LIPC: variants seen among roughly 807,000 people sequenced by gnomAD.
The protein encoded by LIPC is lipase C, hepatic type.
LIPC carries 44 observed loss-of-function variants against 50.7 expected under a neutral mutation model. The ratio of observed to expected loss-of-function variants is 0.87; its 90% CI spans 0.68 to 1.11. The LOEUF is 1.11. LIPC is among the 50% of genes most tolerant of loss of function. LIPC has a pLI of 0.00. For missense variants in LIPC, 697 were observed against 648.2 expected (o/e 1.08, Z -0.82); for synonymous variants, 271 against 256.4 (o/e 1.06, Z -0.54).
chr15:58,538,400 C>T lies in LIPC; in HGVS notation c.156C>T (p.Phe52=). 1.2e-6 allele frequency: 2 copies of T among 1,614,018 alleles called. No homozygotes were observed. The highest frequency in any genetic ancestry group is 2.2e-5 in the East Asian group (1 of 44,882). ...CGCTGCATGAGATGAAGACCAGATT[C>T]CTGCTCTTTGGAGAAACCAATCAGG... ...NKTLHEMKTR[F]LLFGETNQGC... The change falls in exon 2 of 9, where the codon TTC becomes TTT. Residue 52 remains phenylalanine (F), a synonymous_variant. Coordinates refer to ENST00000299022, the MANE Select transcript of LIPC (RefSeq NM_000236.3).
intron 2 of LIPC, among the ~76,000 whole-genome samples, chr15:58,539,703 C>T (rs1893257639): frequency 6.6e-6 from 1 of 152,158 alleles, no homozygotes; most frequent in African/African-American, 2.4e-5. Flanking sequence ...CCTCACCTCT[C>T]CCTGCCTCCC....
chr15:58,558,406 C>T (rs1209273352), intron 6 of LIPC, among the ~76,000 whole-genome samples: 1 of 152,192 alleles, frequency 6.6e-6, no homozygotes, highest in Non-Finnish European at 1.5e-5. Context: ...GCCTCTTTTG[C>T]TGTCTTGAGG....
chr15:58,436,838 T>C (rs1387728873), intron 1 of LIPC: 6 of 456,316 alleles, frequency 1.3e-5, no homozygotes, highest in South Asian at 9.3e-5. Context: ...AGGCTTTCCT[T>C]GTACAATAGC....
chr15:58,516,917 A>T (rs760434416), intron 1 of LIPC, among the ~76,000 whole-genome samples: 1 of 152,102 alleles, frequency 6.6e-6, no homozygotes, highest in African/African-American at 2.4e-5. Flanking sequence ...ATTTTACCTA[A>T]TTGGTGCTGG....
At position 58,560,471 on chromosome 15, in the gene LIPC, C is replaced by T. The variant is rs574855800; in HGVS notation, c.1052-393C>T. Among the ~76,000 whole-genome samples, 8 of 152,286 alleles carry T rather than the reference C, an allele frequency of 5.3e-5. No individual in the cohort carries two copies. In the South Asian group the frequency reaches 1.5e-3, roughly 28 times the overall value. On this transcript the variant is annotated intron_variant, in intron 6 of 8. Coordinates refer to ENST00000299022, the MANE Select transcript of LIPC (RefSeq NM_000236.3). ...AATGTAAAATGGCAATGTGTTCTCT[C>T]TTGCCTTGTCAAATGCCTAAAAGGC...
intron 1 of LIPC, among the ~76,000 whole-genome samples, chr15:58,457,401 C>T (rs1007051106): frequency 6.6e-6 from 1 of 152,200 alleles, no homozygotes; most frequent in African/African-American, 2.4e-5. Flanking sequence ...TGAGCCACCG[C>T]GCCCGGCAGA....
chr15:58,563,771 GT>G, intron 8 of LIPC, 48 bp downstream of exon 8: 1 of 1,461,100 alleles, frequency 6.8e-7, no homozygotes, highest in Non-Finnish European at 9.5e-7. Context: ...GCACCCACTT[GT>G]GCCAGGCAGT....
intron 8 of LIPC, among the ~76,000 whole-genome samples, chr15:58,567,337 ATG>A (rs1566955204): frequency 5.9e-3 from 110 of 18,504 alleles, no homozygotes; most frequent in Middle Eastern, 0.053. Context: ...ATATATATAT[ATG>A]TATATGTATA....
intron 1 of LIPC, chr15:58,498,813 C>G (rs1169888326): frequency 1.3e-5 from 2 of 152,188 alleles, no homozygotes; most frequent in African/African-American, 4.8e-5. Context: ...CCAGCCACAC[C>G]CACTTCAGCT....
chr15:58,432,097 C>T lies in LIPC; in HGVS notation c.65C>T (p.Ala22Val). The T allele has an allele frequency of 6.2e-7, 1 of 1,613,582 alleles. No homozygotes were observed. Residue 22 changes from alanine to valine, a missense_variant, in exon 1 of 9, where the codon GCC (alanine) becomes GTC (valine). Ala to Val is a moderately conservative substitution (Grantham distance 64). Transcript: ENST00000299022. ...TTATGCATCTTTATCCAATCAAGTG[C>T]CCTTGGACAAAGCCTGAAACCAGGT... ...LVLCIFIQSS[A>V]LGQSLKPEPF...
At chr15:58,551,572 T>C (rs1893760895) in intron 6 of LIPC, among the ~76,000 whole-genome samples, 1 of 152,140 alleles carries the variant, frequency 6.6e-6, no homozygotes, top group Admixed American at 6.5e-5. Flanking sequence ...ATGAAGATTT[T>C]AATCTAGGCC....
intron 8 of LIPC, among the ~76,000 whole-genome samples, chr15:58,567,262 T>C (rs1443533570): frequency 5.1e-4 from 16 of 31,600 alleles, no homozygotes; most frequent in South Asian, 1.9e-3. Context: ...TATATATATG[T>C]ATATGTGTGT....
chr15:58,458,640 CA>C (rs1435532886), intron 1 of LIPC, among the ~76,000 whole-genome samples: 1 of 152,210 alleles, frequency 6.6e-6, no homozygotes, highest in African/African-American at 2.4e-5. Flanking sequence ...AGCTTTCCAA[CA>C]GGGCTAAATA....
intron 6 of LIPC, among the ~76,000 whole-genome samples, chr15:58,552,602 T>A (rs1240549050): frequency 1.3e-5 from 2 of 152,192 alleles, no homozygotes; most frequent in East Asian, 3.9e-4. Context: ...GGCACTTGCT[T>A]CTGCTGCTCG....
At chr15:58,464,691 G>A (rs551026790) in intron 1 of LIPC, among the ~76,000 whole-genome samples, 3 of 152,278 alleles carry the variant, frequency 2.0e-5, no homozygotes, top group Non-Finnish European at 4.4e-5. Flanking sequence ...CACACAGGGT[G>A]GCCAGGCATG....
At chr15:58,564,842 C>T (rs1186893411) in intron 8 of LIPC, among the ~76,000 whole-genome samples, 1 of 152,174 alleles carries the variant, frequency 6.6e-6, no homozygotes, top group Non-Finnish European at 1.5e-5. Context: ...CCGTGCTTTT[C>T]GGTCATCCGT....
At chr15:58,446,827 G>A (rs568219039) in intron 1 of LIPC, among the ~76,000 whole-genome samples, 1 of 152,128 alleles carries the variant, frequency 6.6e-6, no homozygotes, top group East Asian at 1.9e-4. Context: ...TCATCAGAGG[G>A]CTAAGCAACA....
chr15:58,503,350 T>A (rs1595903133), intron 1 of LIPC, among the ~76,000 whole-genome samples: 1 of 151,262 alleles, frequency 6.6e-6, no homozygotes, highest in African/African-American at 2.4e-5. Flanking sequence ...GGAGAAGGAG[T>A]GGAGGGGGCA....
At chr15:58,515,552 ATC>A (rs1566935664) in intron 1 of LIPC, among the ~76,000 whole-genome samples, 4 of 150,966 alleles carry the variant, frequency 2.6e-5, no homozygotes, top group African/African-American at 9.8e-5. Flanking sequence ...ATATATATAT[ATC>A]TCAAAATATC....
Sources: allele counts gnomAD v4.1 joint callset (sites outside exome capture counted in the v4.1 genomes callset), GRCh38; gene constraint gnomAD v4.1.1; transcripts MANE v1.5; gene names NCBI Gene and HGNC (gene_info 2026-07-23, HGNC 2026-07-21).